Variants in GSN observed in about 807,000 individuals in gnomAD.
GSN encodes the protein actin-depolymerizing factor.
GSN carries 56 observed loss-of-function variants against 85.7 expected under a neutral mutation model. The ratio of observed to expected loss-of-function variants is 0.65; its 90% confidence interval spans 0.53 to 0.82. The LOEUF (loss-of-function observed/expected upper bound fraction) is 0.82, where lower values mean the gene tolerates loss of function less well. GSN is among the 40% of genes least tolerant of loss of function. The pLI, the probability that GSN is intolerant of heterozygous loss-of-function variation, is 0.00. For missense variants in GSN, 857 were observed against 979.8 expected, an observed-to-expected ratio of 0.87 and a Z score of 1.67; for synonymous variants, 373 against 399.1, an observed-to-expected ratio of 0.93 and a Z score of 0.78.
intron 4 of GSN, among the ~76,000 whole-genome samples, chr9:121,214,036 T>A (rs1029251963): frequency 2.6e-5 from 4 of 152,200 alleles, no homozygotes; most frequent in African/African-American, 9.7e-5. Context: ...CTTATCTGAA[T>A]GGTGCAGGGC....
intron 10 of GSN, among the ~76,000 whole-genome samples, chr9:121,319,659 A>G (rs1374019668): frequency 2.0e-5 from 3 of 152,052 alleles, no homozygotes; most frequent in East Asian, 1.9e-4. Context: ...ATGGGTTGGA[A>G]TATGACTCCA....
intron 5 of GSN, 106 bp downstream of exon 5, chr9:121,310,951 C>T (rs1324788087): frequency 1.5e-5 from 14 of 957,122 alleles, no homozygotes; most frequent in African/African-American, 8.1e-5. Context: ...GGTGGGCAAA[C>T]CACAGGGACC....
Position 121,324,788 on chromosome 9 carries a change from TCCA to T in GSN, c.1416+145_1416+147del. On this transcript the variant is annotated intron_variant, in intron 12 of 17. Transcript: ENST00000432226. ...ATCCATCCATCCATCCATCCATCCA[TCCA>T]TCCATGGAACAGGTATTTATTTAGG... 5 of 677,326 alleles carry T rather than the reference TCCA, an allele frequency of 7.4e-6. No individual in the cohort carries two copies. The South Asian group carries it at 7.7e-5, about 10-fold the overall frequency. 42.0% of individuals were successfully genotyped at this position (677,326 alleles called of 1,614,324 possible).
At chr9:121,228,120 A>ATC (rs756394099) in intron 4 of GSN, among the ~76,000 whole-genome samples, 74 of 152,010 alleles carry the variant, frequency 4.9e-4, no homozygotes, top group Non-Finnish European at 9.0e-4. Context: ...TCACTTTCCC[A>ATC]TCTCTGATAT....
chr9:121,231,399 T>A (rs1275464491), intron 5 of GSN: 1 of 152,178 alleles, frequency 6.6e-6, no homozygotes, highest in Middle Eastern at 3.2e-3. Flanking sequence ...GTTAATATTA[T>A]CTACCAAGGA....
chr9:121,291,520 G>A (rs1296076480), intron 2 of GSN, among the ~76,000 whole-genome samples: 1 of 149,394 alleles, frequency 6.7e-6, no homozygotes, highest in East Asian at 2.0e-4. Flanking sequence ...GTGGGTTCAA[G>A]CCATTCTCCT....
intron 7 of GSN, among the ~76,000 whole-genome samples, chr9:121,315,633 C>T (rs1386413576): frequency 5.3e-5 from 8 of 152,060 alleles, no homozygotes; most frequent in Non-Finnish European, 8.8e-5. Flanking sequence ...GGCGTGGTGG[C>T]GGGTGCCTCT....
chr9:121,270,763 C>T (rs1221053762), intron 1 of GSN, among the ~76,000 whole-genome samples: 2 of 152,166 alleles, frequency 1.3e-5, no homozygotes, highest in African/African-American at 4.8e-5. Context: ...TCACTTTCCC[C>T]TACTCCATGT....
intron 5 of GSN, among the ~76,000 whole-genome samples, chr9:121,232,479 GTGTGTA>G (rs1209559730): frequency 3.2e-4 from 48 of 152,340 alleles, no homozygotes; most frequent in Middle Eastern, 3.4e-3. Context: ...AAAAAGCCAT[GTGTGTA>G]TGCATGATAG....
intron 1 of GSN, among the ~76,000 whole-genome samples, chr9:121,271,927 T>C (rs1260835693): frequency 6.6e-6 from 1 of 152,234 alleles, no homozygotes; most frequent in Non-Finnish European, 1.5e-5. Flanking sequence ...TGGAAATCTA[T>C]CTGGCGAAGC....
At chr9:121,320,644 T>C (rs1317958445) in intron 10 of GSN, among the ~76,000 whole-genome samples, 1 of 139,286 alleles carries the variant, frequency 7.2e-6, no homozygotes, top group Non-Finnish European at 1.5e-5. Flanking sequence ...AAACCTCGTC[T>C]CAAAAAACAA....
intron 4 of GSN, among the ~76,000 whole-genome samples, chr9:121,215,568 C>A (rs560229279): frequency 2.0e-5 from 3 of 152,034 alleles, no homozygotes; most frequent in Non-Finnish European, 2.9e-5. Flanking sequence ...GCGGCGAGTG[C>A]CTATAATCCC....
intron 4 of GSN, among the ~76,000 whole-genome samples, chr9:121,224,754 A>G (rs1012877807): frequency 1.7e-4 from 25 of 151,334 alleles, no homozygotes; most frequent in Admixed American, 3.3e-4. Context: ...AAAAAAAAAA[A>G]AAAGAAAAGA....
chr9:121,270,852 CTCTGGTTT>C (rs1391030126), intron 1 of GSN, among the ~76,000 whole-genome samples: 1 of 152,096 alleles, frequency 6.6e-6, no homozygotes, highest in Non-Finnish European at 1.5e-5. Flanking sequence ...AGACACTGAG[CTCTGGTTT>C]TCTTTAAGAA....
intron 5 of GSN, chr9:121,239,741 A>T (rs2054566749): frequency 3.5e-6 from 1 of 289,128 alleles, no homozygotes; most frequent in Non-Finnish European, 6.8e-6. Context: ...ACTAATACCC[A>T]ACAAAGCATA....
At chr9:121,282,658 A>G in intron 2 of GSN, 2 of 496,442 alleles carry the variant, frequency 4.0e-6, no homozygotes, top group Non-Finnish European at 6.6e-6. Flanking sequence ...GCGGCTATCC[A>G]AAGGTTCTGC....
chr9:121,202,575 C>T, the GSN span, among the ~76,000 whole-genome samples: 2 of 152,226 alleles, frequency 1.3e-5, no homozygotes, highest in African/African-American at 2.4e-5. Context: ...CCAACTTGCT[C>T]TGCCATAATC....
intron 6 of GSN, among the ~76,000 whole-genome samples, chr9:121,256,653 G>A (rs1040411147): frequency 1.3e-5 from 2 of 152,174 alleles, no homozygotes; most frequent in African/African-American, 2.4e-5. Context: ...TGAGGCAGGT[G>A]GATCACCTGA....
intron 5 of GSN, among the ~76,000 whole-genome samples, chr9:121,242,253 G>A (rs2054618887): frequency 6.6e-6 from 1 of 152,088 alleles, no homozygotes. Flanking sequence ...TACTCTAAGG[G>A]CCTTTGCAGC....
Sources: gnomAD v4.1 joint callset for allele counts (sites outside exome capture counted in the v4.1 genomes callset) on GRCh38, gnomAD v4.1.1 for gene constraint, MANE v1.5 for transcripts, NCBI Gene and HGNC (gene_info 2026-07-23, HGNC 2026-07-21) for gene names.